The following ARMC2 variants were observed in gnomAD, a reference collection of about 807,000 sequenced individuals.
The protein encoded by ARMC2 is armadillo repeat-containing protein 2.
ARMC2 carries 67 observed loss-of-function variants against 90.3 expected under a neutral mutation model. The ratio of observed to expected loss-of-function variants is 0.74; its 90% confidence interval spans 0.61 to 0.91. The LOEUF (loss-of-function observed/expected upper bound fraction) is 0.91, where lower values mean the gene tolerates loss of function less well. ARMC2 is among the 40% of genes least tolerant of loss of function. The pLI is 0.00. For missense variants in ARMC2, 920 were observed against 1,030.9 expected, an observed-to-expected ratio of 0.89 and a Z score of 1.47; for synonymous variants, 393 against 393.0, an observed-to-expected ratio of 1.00 and a Z score of 0.00.
At chr6:109,046,728 C>T in the ARMC2 span, among the ~76,000 whole-genome samples, 1 of 135,344 alleles carries the variant, frequency 7.4e-6, no homozygotes, top group African/African-American at 2.7e-5. Context: ...AGCGCCTCTG[C>T]CCCGCCGCCC....
At chr6:108,991,174 G>A in the ARMC2 span, among the ~76,000 whole-genome samples, 2 of 152,068 alleles carry the variant, frequency 1.3e-5, no homozygotes, top group Non-Finnish European at 2.9e-5. Context: ...ACCAGCTTGG[G>A]AGTCCCCTCT....
chr6:108,869,080 C>G lies in ARMC2; in HGVS notation c.463+85C>G, dbSNP rs1776122402. ...CAAAAGCTAATTTTATATGATTTTT[C>G]CTAACCCTGGATGATTTTTATATTA... is the stretch of plus-strand genomic sequence containing the variant. On this transcript the variant is annotated intron_variant, in intron 4 of 17. Transcript: ENST00000392644. The G allele has an allele frequency of 2.2e-6, 3 of 1,383,192 alleles. No individual in the cohort carries two copies. The Admixed American group carries it at 7.6e-5, about 35-fold the overall frequency. 85.7% of individuals were successfully genotyped at this position (1,383,192 alleles called of 1,614,324 possible). A position where few individuals can be genotyped will look rare whatever the true frequency, so the allele number is the denominator to read the frequency against.
At chr6:108,929,946 G>A (rs779602808) in intron 11 of ARMC2, among the ~76,000 whole-genome samples, 2 of 151,656 alleles carry the variant, frequency 1.3e-5, no homozygotes, top group Non-Finnish European at 2.9e-5. Flanking sequence ...CATCTCTAGC[G>A]CTGCCCCCCA....
intron 4 of ARMC2, among the ~76,000 whole-genome samples, chr6:108,874,516 T>C (rs1035208613): frequency 1.3e-5 from 2 of 152,240 alleles, no homozygotes; most frequent in African/African-American, 2.4e-5. Flanking sequence ...TGTGGTGATA[T>C]GGAGAGAGCC....
intron 7 of ARMC2, among the ~76,000 whole-genome samples, chr6:108,902,491 A>G (rs1260899876): frequency 2.0e-5 from 3 of 152,220 alleles, no homozygotes; most frequent in African/African-American, 7.2e-5. Context: ...CAGAAGAATA[A>G]AACAACAAAA....
At chr6:108,862,478 G>T (rs940481925) in intron 3 of ARMC2, among the ~76,000 whole-genome samples, 3 of 152,062 alleles carry the variant, frequency 2.0e-5, no homozygotes, top group African/African-American at 7.2e-5. Flanking sequence ...ATTATGTGAG[G>T]GTCTTAAGTA....
chr6:109,006,490 A>C, the ARMC2 span, among the ~76,000 whole-genome samples: 1 of 86,496 alleles, frequency 1.2e-5, no homozygotes, highest in Non-Finnish European at 2.2e-5. Context: ...GATGTTCCCC[A>C]CCCTGTGTCC....
At chr6:109,017,779 T>C in the ARMC2 span, among the ~76,000 whole-genome samples, 4 of 152,112 alleles carry the variant, frequency 2.6e-5, no homozygotes, top group African/African-American at 9.7e-5. Context: ...CCTGAAAACC[T>C]CTCTAGTTGT....
the ARMC2 span, among the ~76,000 whole-genome samples, chr6:109,023,879 A>G: frequency 6.6e-5 from 10 of 152,312 alleles, no homozygotes; most frequent in East Asian, 7.7e-4. Flanking sequence ...TTTAAAGCAT[A>G]AGAGAATATT....
At chr6:109,011,856 T>C in the ARMC2 span, among the ~76,000 whole-genome samples, 1 of 152,126 alleles carries the variant, frequency 6.6e-6, no homozygotes, top group South Asian at 2.1e-4. Flanking sequence ...CTCAAATTCC[T>C]GGACTCAAGC....
intron 13 of ARMC2, among the ~76,000 whole-genome samples, chr6:108,955,351 G>A (rs920841523): frequency 2.0e-5 from 3 of 152,156 alleles, no homozygotes; most frequent in African/African-American, 7.2e-5. Flanking sequence ...CCCGGCTGCG[G>A]GCATGTGAGT....
chr6:108,848,962 G>T (rs1271567973), intron 1 of ARMC2: 3 of 152,132 alleles, frequency 2.0e-5, no homozygotes, highest in Non-Finnish European at 4.4e-5. Flanking sequence ...ATGTACTGTC[G>T]CACTTAGCCA....
chr6:108,869,236 G>T (rs553479666), intron 4 of ARMC2, among the ~76,000 whole-genome samples: 47 of 152,182 alleles, frequency 3.1e-4, no homozygotes, highest in Non-Finnish European at 6.3e-4. Flanking sequence ...GACTGGGCGC[G>T]GTGGCTCATG....
the ARMC2 span, among the ~76,000 whole-genome samples, chr6:109,018,463 G>C: frequency 1.3e-5 from 2 of 152,200 alleles, no homozygotes; most frequent in African/African-American, 4.8e-5. Flanking sequence ...TGAGTGAACT[G>C]CTACAGCAAG....
intron 3 of ARMC2, among the ~76,000 whole-genome samples, chr6:108,865,673 C>T (rs185189331): frequency 1.9e-4 from 29 of 152,226 alleles, no homozygotes; most frequent in African/African-American, 6.5e-4. Context: ...AGAGAAAATT[C>T]GGTGACTCTC....
the ARMC2 span, among the ~76,000 whole-genome samples, chr6:108,992,405 T>C: frequency 2.6e-5 from 4 of 152,130 alleles, no homozygotes; most frequent in Non-Finnish European, 5.9e-5. Context: ...GCGGGAGCCA[T>C]TGTGCCAGGC....
chr6:108,918,754 G>A (rs995905909), intron 10 of ARMC2, among the ~76,000 whole-genome samples: 1 of 152,314 alleles, frequency 6.6e-6, no homozygotes. Flanking sequence ...TGCTGACTAT[G>A]CCTGCCTTAA....
chr6:109,009,031 C>G, the ARMC2 span: 1 of 991,040 alleles, frequency 1.0e-6, no homozygotes, highest in Non-Finnish European at 1.2e-6. Context: ...CTTGTGGAGA[C>G]TTGTCCAGAC....
the ARMC2 span, among the ~76,000 whole-genome samples, chr6:108,983,772 G>A: frequency 2.6e-5 from 4 of 152,320 alleles, no homozygotes; most frequent in East Asian, 1.9e-4. Context: ...CTCTACTTCC[G>A]TGAAAAATGC....
Sources: gnomAD v4.1 joint callset for allele counts (sites outside exome capture counted in the v4.1 genomes callset) on GRCh38, gnomAD v4.1.1 for gene constraint, MANE v1.5 for transcripts, NCBI Gene and HGNC (gene_info 2026-07-23, HGNC 2026-07-21) for gene names.